Variants in BTAF1 observed in about 807,000 individuals in gnomAD.
The protein encoded by BTAF1 is TATA-binding protein-associated factor 172.
In BTAF1, 38 loss-of-function variants were observed where a neutral mutation model predicts 227.1. The observed-to-expected ratio is 0.17, with a 90% CI of 0.13 to 0.22. The LOEUF is 0.22. Among genes scored for constraint, BTAF1 ranks in the 10% least tolerant of loss-of-function variants. BTAF1 has a pLI of 1.00. For missense variants in BTAF1, 1,598 were observed against 2,204.0 expected (o/e 0.73, Z 5.51); for synonymous variants, 742 against 751.9 (o/e 0.99, Z 0.21).
chr10:92,019,774 T>C (rs1589988558), intron 34 of BTAF1, among the ~76,000 whole-genome samples: 1 of 152,342 alleles, frequency 6.6e-6, no homozygotes, highest in East Asian at 1.9e-4. Flanking sequence ...CATCTTTTCA[T>C]GTGCTTATTG....
At chr10:91,967,720 T>TA (rs1337856493) in intron 14 of BTAF1, among the ~76,000 whole-genome samples, 2 of 152,244 alleles carry the variant, frequency 1.3e-5, no homozygotes, top group Admixed American at 1.3e-4. Flanking sequence ...CATGGGCTGA[T>TA]ATGACAGCTG....
In BTAF1 at chr10:92,027,113, CTG is replaced by C. The variant is rs1452645712; in HGVS notation, c.5236-15_5236-14del. The C allele has an allele frequency of 3.1e-6, 5 of 1,601,516 alleles. No homozygotes were observed. Among genetic ancestry groups the C allele is most frequent in the East Asian group, 2.2e-5 (1 of 44,804 alleles). On this transcript the variant is annotated splice_polypyrimidine_tract_variant and intron_variant, in intron 36 of 37. Transcript: ENST00000265990. ...CATAATATGTGTTACGGTTGCTTAA[CTG>C]TTTTTCTTATCCAGAAACGTGTGGT...
chr10:92,020,447 T>G (rs143198241), intron 34 of BTAF1, among the ~76,000 whole-genome samples: 2 of 152,348 alleles, frequency 1.3e-5, no homozygotes, highest in East Asian at 3.9e-4. Context: ...TATTGTAAAA[T>G]CTAGACTTTA....
chr10:91,947,457 A>G (rs1258838423), intron 4 of BTAF1, among the ~76,000 whole-genome samples: 1 of 152,134 alleles, frequency 6.6e-6, no homozygotes, highest in Non-Finnish European at 1.5e-5. Context: ...CTATTTGTAG[A>G]ATATACTGTT....
At chr10:91,991,292 A>ATATATATATATATATATATATAT (rs1848736961) in intron 20 of BTAF1, among the ~76,000 whole-genome samples, 1 of 137,464 alleles carries the variant, frequency 7.3e-6, no homozygotes, top group Non-Finnish European at 1.6e-5. Context: ...ATATATATAT[A>ATATATATATATATATATATATAT]AATTATCCGG....
At chr10:91,968,146 A>G (rs1379797087) in intron 14 of BTAF1, among the ~76,000 whole-genome samples, 1 of 152,164 alleles carries the variant, frequency 6.6e-6, no homozygotes, top group Non-Finnish European at 1.5e-5. Context: ...CCACCATTAC[A>G]GTATCATACA....
Position 91,962,669 on chromosome 10 carries a change from G to T in BTAF1, c.1395G>T (p.Gln465His). Residue 465 changes from glutamine (Q) to histidine (H), a missense_variant, in exon 12 of 38, where the codon CAG becomes CAT. Gln to His is a conservative substitution (Grantham distance 24). This residue lies in a region of BTAF1 where 318 missense variants were observed against 435.0 expected (regional missense o/e 0.73). Transcript: ENST00000265990. ...VPVVESLVYL[Q>H]TQKVPFIINT... ...TAGTAGAAAGCCTTGTCTATCTTCA[G>T]ACACAAAAGGTAAATTAAATATTTT... is the stretch of plus-strand genomic sequence containing the variant. 2 of 1,589,030 alleles carry T rather than the reference G, an allele frequency of 1.3e-6. No individual in the cohort carries two copies. Among genetic ancestry groups the T allele is most frequent in the Non-Finnish European group, 1.7e-6 (2 of 1,170,872 alleles).
intron 28 of BTAF1, among the ~76,000 whole-genome samples, chr10:92,009,434 G>A (rs1253257400): frequency 6.6e-6 from 1 of 152,200 alleles, no homozygotes; most frequent in Non-Finnish European, 1.5e-5. Flanking sequence ...TAGAGCTGGA[G>A]AACTATCAGG....
At chr10:91,993,393 G>A (rs1001245444) in intron 21 of BTAF1, among the ~76,000 whole-genome samples, 7 of 151,918 alleles carry the variant, frequency 4.6e-5, no homozygotes, top group Non-Finnish European at 8.8e-5. Context: ...GAGAGAAGGA[G>A]GAAAAAAAAT....
At chr10:91,980,197 A>G (rs1847969692) in intron 14 of BTAF1, among the ~76,000 whole-genome samples, 1 of 152,140 alleles carries the variant, frequency 6.6e-6, no homozygotes, top group South Asian at 2.1e-4. Flanking sequence ...ACTTTGAGGA[A>G]AAATTGTTGT....
Position 92,008,834 on chromosome 10 carries a change from T to G in BTAF1, c.3819T>G (p.Gly1273=). ...NAELRKYQQD[G]VNWLAFLNKY... ...ATGATTTTTCTCTCTATCAGGATGG[T>G]GTGAACTGGTTAGCATTTCTTAATA... Residue 1273 remains glycine (G), a synonymous_variant, in exon 27 of 38, where the codon GGT becomes GGG. Coordinates refer to ENST00000265990, the MANE Select transcript of BTAF1 (RefSeq NM_003972.3). 6 of 1,605,970 alleles carry G rather than the reference T, an allele frequency of 3.7e-6. No individual in the cohort carries two copies. The highest frequency in any genetic ancestry group is 5.1e-6 in the Non-Finnish European group (6 of 1,175,362).
At chr10:92,015,073 A>C (rs1850619952) in intron 32 of BTAF1, among the ~76,000 whole-genome samples, 1 of 152,244 alleles carries the variant, frequency 6.6e-6, no homozygotes, top group Admixed American at 6.5e-5. Flanking sequence ...AACCTTGGTC[A>C]GTGGGACCTC....
chr10:92,017,654 T>C (rs142514333), intron 33 of BTAF1, among the ~76,000 whole-genome samples: 14 of 152,050 alleles, frequency 9.2e-5, no homozygotes, highest in African/African-American at 3.4e-4. Context: ...GGACTACAGG[T>C]GCACACCACC....
At chr10:91,994,909 C>T (rs1849031703) in intron 23 of BTAF1, among the ~76,000 whole-genome samples, 1 of 152,024 alleles carries the variant, frequency 6.6e-6, no homozygotes. Flanking sequence ...GACACAGGAG[C>T]CAGATGTAAA....
chr10:91,962,510 T>C, intron 11 of BTAF1, 28 bp from the exon 12 acceptor site: 1 of 1,439,474 alleles, frequency 6.9e-7, no homozygotes. Context: ...AATAGAAAAT[T>C]AATTTATTTT....
intron 22 of BTAF1, 85 bp from the exon 23 acceptor site, chr10:91,994,449 CT>C: frequency 2.2e-6 from 2 of 914,832 alleles, no homozygotes; most frequent in Non-Finnish European, 3.4e-6. Flanking sequence ...CTCTCCTATG[CT>C]AGCTGAAAAA....
At chr10:92,010,565 A>C (rs575743791) in intron 28 of BTAF1, among the ~76,000 whole-genome samples, 2 of 152,314 alleles carry the variant, frequency 1.3e-5, no homozygotes, top group African/African-American at 4.8e-5. Context: ...TCTCTGGCCC[A>C]TATTCTCTTA....
intron 31 of BTAF1, 25 bp from the exon 32 acceptor site, chr10:92,013,874 C>G: frequency 6.2e-7 from 1 of 1,612,560 alleles, no homozygotes; most frequent in Non-Finnish European, 8.5e-7. Flanking sequence ...TTTTTTGAAG[C>G]CATTTTCTCT....
chr10:91,986,247 A>G (rs889450055), intron 19 of BTAF1, among the ~76,000 whole-genome samples: 10 of 152,310 alleles, frequency 6.6e-5, no homozygotes, highest in African/African-American at 2.4e-4. Flanking sequence ...ACCTTTGTCA[A>G]AAACCAACTG....
Sources: gnomAD v4.1 joint callset for allele counts (sites outside exome capture counted in the v4.1 genomes callset) on GRCh38, gnomAD v4.1.1 for gene constraint, gnomAD v4.1.1 regional missense constraint, MANE v1.5 for transcripts, NCBI Gene and HGNC (gene_info 2026-07-23, HGNC 2026-07-21) for gene names.